Variants in GNG7 observed in about 807,000 individuals in gnomAD.
GNG7 encodes the protein G protein subunit gamma 7, also known as guanine nucleotide-binding protein G(I)/G(S)/G(O) subunit gamma-7.
GNG7 carries 1 observed loss-of-function variant against 4.0 expected under a neutral mutation model. That is an observed-to-expected ratio of 0.25 (90% CI 0.09 to 1.18). The LOEUF (loss-of-function observed/expected upper bound fraction) is 1.18, where lower values mean the gene tolerates loss of function less well. Among genes scored for constraint, GNG7 ranks in the 50% most tolerant of loss-of-function variants. GNG7 has a pLI of 0.50. For synonymous variants in GNG7, 34 were observed against 36.9 expected (o/e 0.92, Z 0.29); for missense variants, 86 against 91.9 (o/e 0.94, Z 0.26).
intron 3 of GNG7, among the ~76,000 whole-genome samples, chr19:2,543,396 A>AT (rs1979025710): frequency 6.6e-6 from 1 of 150,634 alleles, no homozygotes; most frequent in South Asian, 2.1e-4. Context: ...AATTTTTAAT[A>AT]TTTTTTCTTT....
At chr19:2,567,577 C>T (rs1247756089) in intron 2 of GNG7, among the ~76,000 whole-genome samples, 2 of 152,112 alleles carry the variant, frequency 1.3e-5, no homozygotes, top group African/African-American at 2.4e-5. Flanking sequence ...CGTCCCACCT[C>T]GGCCTCCCAA....
At chr19:2,636,199 C>G (rs1473175538) in intron 2 of GNG7, among the ~76,000 whole-genome samples, 3 of 152,204 alleles carry the variant, frequency 2.0e-5, no homozygotes, top group Non-Finnish European at 4.4e-5. Flanking sequence ...TTCACCTCCT[C>G]TCTCCCTCCC....
intron 2 of GNG7, among the ~76,000 whole-genome samples, chr19:2,566,660 G>A (rs1286467905): frequency 2.0e-5 from 3 of 152,144 alleles, no homozygotes; most frequent in Non-Finnish European, 4.4e-5. Flanking sequence ...ACATTTTCCT[G>A]TAAAAGGCCA....
intron 3 of GNG7, among the ~76,000 whole-genome samples, chr19:2,531,208 A>G (rs1978570841): frequency 6.8e-6 from 1 of 147,638 alleles, no homozygotes; most frequent in Non-Finnish European, 1.5e-5. Context: ...AGGAGCTGAG[A>G]TGAGAGAATC....
intron 2 of GNG7, among the ~76,000 whole-genome samples, chr19:2,563,757 T>C (rs1022955940): frequency 2.6e-5 from 4 of 151,832 alleles, no homozygotes; most frequent in Non-Finnish European, 5.9e-5. Flanking sequence ...GCTGGGATAA[T>C]AGGCATGAGC....
intron 2 of GNG7, among the ~76,000 whole-genome samples, chr19:2,598,321 C>T (rs1477262495): frequency 6.6e-6 from 1 of 151,920 alleles, no homozygotes; most frequent in Admixed American, 6.6e-5. Flanking sequence ...GTCAGGAGTT[C>T]GAGACCAGCC....
chr19:2,631,035 T>C (rs977357447), intron 2 of GNG7, among the ~76,000 whole-genome samples: 1 of 152,176 alleles, frequency 6.6e-6, no homozygotes, highest in Non-Finnish European at 1.5e-5. Context: ...CAAAAAGGTC[T>C]AATGACTATG....
At chr19:2,692,137 G>A (rs1036765050) in intron 1 of GNG7, among the ~76,000 whole-genome samples, 5 of 152,160 alleles carry the variant, frequency 3.3e-5, no homozygotes, top group Admixed American at 1.3e-4. Context: ...CATTCATGAC[G>A]GCGGCAGCCC....
chr19:2,551,608 C>CAAAT lies in GNG7; in HGVS notation c.-38+3537_-38+3540dup, dbSNP rs1265274354. On this transcript the variant is annotated intron_variant, in intron 3 of 4. Coordinates refer to ENST00000382159, the MANE Select transcript of GNG7 (RefSeq NM_052847.3). ...AAATATGCATTTATAAATATATAAA[C>CAAAT]AAATATATATTTATAAATATATAAA... Among the ~76,000 whole-genome samples, 3 of 147,180 alleles carry CAAAT rather than the reference C, an allele frequency of 2.0e-5. 1 individual carries two copies. Among genetic ancestry groups the CAAAT allele is most frequent in the African/African-American group, 7.4e-5 (3 of 40,578 alleles).
intron 2 of GNG7, among the ~76,000 whole-genome samples, chr19:2,596,185 C>T (rs1476319714): frequency 6.6e-6 from 1 of 152,118 alleles, no homozygotes; most frequent in East Asian, 1.9e-4. Context: ...ATGGTGAAAC[C>T]CCATCTCTAC....
intron 2 of GNG7, among the ~76,000 whole-genome samples, chr19:2,578,490 AAG>A: frequency 6.6e-6 from 1 of 152,362 alleles, no homozygotes; most frequent in Non-Finnish European, 1.5e-5. Flanking sequence ...AGCCACAAGC[AAG>A]AGACTGCCCG....
At chr19:2,678,277 G>A (rs886754440) in intron 1 of GNG7, among the ~76,000 whole-genome samples, 8 of 152,144 alleles carry the variant, frequency 5.3e-5, no homozygotes, top group Non-Finnish European at 8.8e-5. Flanking sequence ...TGGGGGGAGC[G>A]AGATATACAA....
intron 2 of GNG7, among the ~76,000 whole-genome samples, chr19:2,601,406 C>T (rs79732155): frequency 0.073 from 11,076 of 152,140 alleles, 934 homozygotes; most frequent in East Asian, 0.33. Flanking sequence ...AGTCCTGCCA[C>T]GGCGCGGCTC....
rs1334464505 is a variant in GNG7, at chr19:2,557,142, A to G, written c.-77-1954T>C. 6.6e-6 allele frequency among the ~76,000 whole-genome samples: 1 copy of G among 151,426 alleles called. No individual in the cohort carries two copies. Among genetic ancestry groups the G allele is most frequent in the Admixed American group, 6.6e-5 (1 of 15,190 alleles). On this transcript the variant is annotated intron_variant, in intron 2 of 4. Coordinates refer to ENST00000382159, the MANE Select transcript of GNG7 (RefSeq NM_052847.3). The surrounding 1 kb of genome is among the most constrained non-coding windows in gnomAD (Gnocchi z 5.1). ...ACGTACACACGTGTACTGCACACTC[A>G]CGCACATGCACACAAAGACACGCGC...
chr19:2,601,192 T>G (rs986459678), intron 2 of GNG7, among the ~76,000 whole-genome samples: 19 of 152,166 alleles, frequency 1.2e-4, no homozygotes, highest in Non-Finnish European at 1.5e-5. Context: ...TAAGGAAGGT[T>G]TGCTTGACTC....
In GNG7 at chr19:2,596,527, G is replaced by A. The variant is rs139902893; in HGVS notation, c.-77-41339C>T. 1.7e-3 allele frequency among the ~76,000 whole-genome samples: 259 copies of A among 152,074 alleles called. 2 individuals carry two copies. Among genetic ancestry groups the A allele is most frequent in the East Asian group, 7.9e-3 (41 of 5,178 alleles). ...ATTAAAATTAAAAAAAAATTAAGCA[G>A]GTGTAGTGATATCCACCTGTGGTCC... On this transcript the variant is annotated intron_variant, in intron 2 of 4. Coordinates refer to ENST00000382159, the MANE Select transcript of GNG7 (RefSeq NM_052847.3).
intron 2 of GNG7, among the ~76,000 whole-genome samples, chr19:2,628,112 G>A (rs111586271): frequency 0.041 from 6,194 of 152,260 alleles, 163 homozygotes; most frequent in Middle Eastern, 0.085. Flanking sequence ...CAAACAACAC[G>A]GCAAGTGTAT....
At position 2,657,399 on chromosome 19, in the gene GNG7, T is replaced by TACACAC. The variant is rs60342985; in HGVS notation, c.-134-11120_-134-11119insGTGTGT. Among the ~76,000 whole-genome samples the TACACAC allele has an allele frequency of 7.8e-4, 63 of 80,424 alleles. 1 individual carries two copies. Among genetic ancestry groups the TACACAC allele is most frequent in the African/African-American group, 1.4e-3 (22 of 16,082 alleles). The allele number at this position is 80,424 out of a possible 152,430, so 52.8% of individuals were successfully genotyped here. A position where few individuals can be genotyped will look rare whatever the true frequency, so the allele number is the denominator to read the frequency against. On this transcript the variant is annotated intron_variant, in intron 1 of 4. Coordinates refer to ENST00000382159, the MANE Select transcript of GNG7 (RefSeq NM_052847.3). ...ATATATATATATATATATATATATA[T>TACACAC]ACACATAATAACATTTATCCTAAAA...
At chr19:2,640,523 C>T (rs939479490) in intron 2 of GNG7, among the ~76,000 whole-genome samples, 6 of 152,174 alleles carry the variant, frequency 3.9e-5, no homozygotes, top group East Asian at 1.9e-4. Flanking sequence ...ATGTAATTCA[C>T]GAAAATCCCA....
Sources: gnomAD v4.1 joint callset for allele counts (sites outside exome capture counted in the v4.1 genomes callset) on GRCh38, gnomAD v4.1.1 for gene constraint, Gnocchi (gnomAD v3.1) non-coding constraint, MANE v1.5 for transcripts, NCBI Gene and HGNC (gene_info 2026-07-23, HGNC 2026-07-21) for gene names.